Variants in CDCA8 observed in about 807,000 individuals in gnomAD.
The protein encoded by CDCA8 is cell division cycle associated 8.
In CDCA8, 25 loss-of-function variants were observed where a neutral mutation model predicts 40.0. The ratio of observed to expected loss-of-function variants is 0.63; its 90% CI spans 0.46 to 0.87. The LOEUF (loss-of-function observed/expected upper bound fraction) is 0.87. Ranked by LOEUF, CDCA8 falls within the 40% of genes least tolerant of loss-of-function variation. The pLI is 0.00. For missense variants in CDCA8, 280 were observed against 348.4 expected (o/e 0.80, Z 1.56); for synonymous variants, 111 against 126.5 (o/e 0.88, Z 0.82).
intron 6 of CDCA8, among the ~76,000 whole-genome samples, chr1:37,702,037 C>CCTT (rs780484039): frequency 8.4e-6 from 1 of 119,036 alleles, no homozygotes; most frequent in African/African-American, 3.2e-5. Flanking sequence ...TCCTTCCCCA[C>CCTT]TTTTTTTTTT....
At chr1:37,697,211 G>A (rs1226756580) in intron 3 of CDCA8, among the ~76,000 whole-genome samples, 1 of 152,210 alleles carries the variant, frequency 6.6e-6, no homozygotes, top group African/African-American at 2.4e-5. Flanking sequence ...ACCACCTCCA[G>A]GTTTGGTGAT....
chr1:37,699,541 G>A (rs919348360), intron 4 of CDCA8, among the ~76,000 whole-genome samples: 2 of 151,230 alleles, frequency 1.3e-5, no homozygotes, highest in African/African-American at 4.9e-5. Flanking sequence ...AGACCAGCCT[G>A]GGCAATGTAG....
chr1:37,699,611 GAAAGGAAAGGA>G (rs1645550103), intron 4 of CDCA8, among the ~76,000 whole-genome samples: 1 of 86,218 alleles, frequency 1.2e-5, no homozygotes, highest in African/African-American at 5.0e-5. Flanking sequence ...GAAAGGAAAG[GAAAGGAAAGGA>G]AAAAAAAAGT....
At chr1:37,707,604 T>C (rs1389899818) in intron 9 of CDCA8, among the ~76,000 whole-genome samples, 2 of 152,180 alleles carry the variant, frequency 1.3e-5, no homozygotes, top group Non-Finnish European at 2.9e-5. Context: ...TAACCACACC[T>C]CCAATCCCAA....
intron 7 of CDCA8, among the ~76,000 whole-genome samples, chr1:37,705,232 G>A (rs1217762794): frequency 1.3e-5 from 2 of 152,170 alleles, no homozygotes; most frequent in African/African-American, 4.8e-5. Context: ...TTTGTAAGAT[G>A]TATGTTCAAT....
Position 37,700,416 on chromosome 1 carries a change from G to A in CDCA8, c.338-20G>A. ...TTATTTTCATCAGAAATACCACCCT[G>A]TTGAAACTGTTTCTTACAGCACGAA... On this transcript the variant is annotated intron_variant, in intron 4 of 9. Coordinates refer to ENST00000373055, the MANE Select transcript of CDCA8 (RefSeq NM_001256875.2). 6.8e-7 allele frequency: 1 copy of A among 1,463,416 alleles called. No homozygotes were observed. Among genetic ancestry groups the A allele is most frequent in the Middle Eastern group, 1.7e-4 (1 of 5,762 alleles). 90.7% of individuals were successfully genotyped at this position (1,463,416 alleles called of 1,614,324 possible). A position where few individuals can be genotyped will look rare whatever the true frequency, so the allele number is the denominator to read the frequency against.
intron 3 of CDCA8, among the ~76,000 whole-genome samples, chr1:37,698,013 A>C (rs1160453739): frequency 6.6e-6 from 1 of 152,162 alleles, no homozygotes; most frequent in Non-Finnish European, 1.5e-5. Flanking sequence ...TGTAGTGCCC[A>C]TACTTATTAC....
At position 37,707,056 on chromosome 1, in the gene CDCA8, A is replaced by C. The variant is rs560264444; in HGVS notation, c.790A>C (p.Lys264Gln). 2.4e-5 allele frequency: 38 copies of C among 1,613,574 alleles called. No homozygotes were observed. Among genetic ancestry groups the C allele is most frequent in the Non-Finnish European group, 3.1e-5 (36 of 1,179,550 alleles). The change falls in exon 9 of 10, where the codon AAG becomes CAG. Residue 264 changes from lysine to glutamine, a missense_variant. Coordinates refer to ENST00000373055, the MANE Select transcript of CDCA8 (RefSeq NM_001256875.2). ...TCCAGAGGCCTTGGGAAACATTAAGAAGCTCTCCGTAAGTCTCATATTCAT... is the reference window on the plus strand; with the variant it reads ...TCCAGAGGCCTTGGGAAACATTAAGCAGCTCTCCGTAAGTCTCATATTCAT... The part of the protein sequence containing the change: ...LDPEALGNIK[K>Q]LSNRLAQICS...
chr1:37,698,038 A>G (rs1051239352), intron 3 of CDCA8, among the ~76,000 whole-genome samples: 3 of 152,200 alleles, frequency 2.0e-5, no homozygotes, highest in East Asian at 1.9e-4. Context: ...TGAAAAAAAA[A>G]CGAATTTGAA....
Position 37,705,336 on chromosome 1 carries a change from T to C in CDCA8, c.585-105T>C, listed in dbSNP as rs1048978110. 6.0e-6 allele frequency: 6 copies of C among 1,005,514 alleles called. No individual in the cohort carries two copies. The Admixed American group carries it at 1.1e-4, about 19-fold the overall frequency. 62.3% of individuals were successfully genotyped at this position (1,005,514 alleles called of 1,614,324 possible). A position where few individuals can be genotyped will look rare whatever the true frequency, so the allele number is the denominator to read the frequency against. ...TAGAACGTGCTTTCTTAGGAATGTA[T>C]GACTTAAAAACTGCAACTTGAGGCC... On this transcript the variant is annotated intron_variant, in intron 7 of 9. Transcript: ENST00000373055.
At chr1:37,697,172 T>C (rs1367466488) in intron 3 of CDCA8, among the ~76,000 whole-genome samples, 1 of 152,202 alleles carries the variant, frequency 6.6e-6, no homozygotes, top group East Asian at 1.9e-4. Flanking sequence ...TAAAAGCTCT[T>C]AGTTGGGAAG....
chr1:37,704,968 G>A (rs1645589080), intron 7 of CDCA8, among the ~76,000 whole-genome samples: 1 of 152,092 alleles, frequency 6.6e-6, no homozygotes. Flanking sequence ...TTTCTTTACT[G>A]TTTGTTTTCT....
chr1:37,705,879 G>A (rs1456230546), intron 8 of CDCA8, among the ~76,000 whole-genome samples: 3 of 144,126 alleles, frequency 2.1e-5, no homozygotes, highest in Non-Finnish European at 3.0e-5. Flanking sequence ...GTGCGATCTC[G>A]GCTCACTGCA....
intron 9 of CDCA8, among the ~76,000 whole-genome samples, chr1:37,707,913 G>A (rs1645613381): frequency 6.6e-6 from 1 of 152,216 alleles, no homozygotes; most frequent in African/African-American, 2.4e-5. Flanking sequence ...CCATCATCTT[G>A]GGTGGTGGAT....
chr1:37,697,044 C>T (rs552115536), intron 3 of CDCA8, among the ~76,000 whole-genome samples: 196 of 152,344 alleles, frequency 1.3e-3, no homozygotes, highest in Non-Finnish European at 2.0e-3. Flanking sequence ...AAATACAGAA[C>T]TGCAAATGAG....
Position 37,692,671 on chromosome 1 carries a change from C to A in CDCA8, c.-20C>A. On this transcript the variant is annotated 5_prime_UTR_variant, in exon 1 of 10. Transcript: ENST00000373055. ...TCCCTGCCCCATCTCCGCCGCTCCC[C>A]GCAGCCTCCGCCGAGCGCCATGGCT... 6.2e-7 allele frequency: 1 copy of A among 1,605,512 alleles called. No individual in the cohort carries two copies. Among genetic ancestry groups the A allele is most frequent in the Non-Finnish European group, 8.5e-7 (1 of 1,174,590 alleles).
chr1:37,706,799 C>T (rs1231655558), intron 8 of CDCA8, among the ~76,000 whole-genome samples, 179 bp from the exon 9 acceptor site: 2 of 152,244 alleles, frequency 1.3e-5, no homozygotes, highest in Non-Finnish European at 1.5e-5. Flanking sequence ...AATCCAGCCT[C>T]CACCCTAGTG....
In CDCA8 at chr1:37,693,060, G is replaced by A. The variant is rs765850249; in HGVS notation, c.223+27G>A. ...TAAGAGCTGGAGAGCTTCCCTGGGC[G>A]GAGGCCAGGAGCCCCTTGGGGTTAG... On this transcript the variant is annotated intron_variant, in intron 2 of 9. Coordinates refer to ENST00000373055, the MANE Select transcript of CDCA8 (RefSeq NM_001256875.2). The A allele has an allele frequency of 4.3e-6, 7 of 1,609,332 alleles. No homozygotes were observed. The East Asian group carries it at 1.3e-4, about 31-fold the overall frequency.
intron 8 of CDCA8, among the ~76,000 whole-genome samples, chr1:37,706,267 C>A (rs888267927): frequency 1.3e-5 from 2 of 152,138 alleles, no homozygotes; most frequent in Non-Finnish European, 2.9e-5. Context: ...GCCACCACAC[C>A]CGGCTAATTT....
Sources: allele counts gnomAD v4.1 joint callset (sites outside exome capture counted in the v4.1 genomes callset), GRCh38; gene constraint gnomAD v4.1.1; transcripts MANE v1.5; gene names NCBI Gene and HGNC (gene_info 2026-07-23, HGNC 2026-07-21).